The following DSTN variants were observed in gnomAD, a reference collection of about 807,000 sequenced individuals.
DSTN encodes destrin, actin depolymerizing factor.
A neutral mutation model predicts 16.8 loss-of-function variants in DSTN; 10 were observed. The observed-to-expected ratio is 0.60, with a 90% CI of 0.37 to 1.01. DSTN has a LOEUF of 1.01. DSTN is among the 50% of genes least tolerant of loss of function. The pLI is 0.01. For synonymous variants in DSTN, 57 were observed against 58.9 expected, an observed-to-expected ratio of 0.97 and a Z score of 0.14; for missense variants, 141 against 196.7, an observed-to-expected ratio of 0.72 and a Z score of 1.69.
intron 1 of DSTN, among the ~76,000 whole-genome samples, chr20:17,592,311 C>G (rs1379137229): frequency 6.6e-6 from 1 of 151,740 alleles, no homozygotes; most frequent in African/African-American, 2.4e-5. Flanking sequence ...CCTCTAGTCC[C>G]AGCTACTCAG....
At chr20:17,574,833 CT>C (rs1228639916) in intron 1 of DSTN, among the ~76,000 whole-genome samples, 5 of 110,266 alleles carry the variant, frequency 4.5e-5, no homozygotes, top group African/African-American at 1.4e-4. Context: ...TTTTTCCTTT[CT>C]TTTTTCTTTC....
intron 1 of DSTN, among the ~76,000 whole-genome samples, chr20:17,572,047 T>C (rs1189187270): frequency 1.3e-5 from 2 of 152,210 alleles, no homozygotes; most frequent in Non-Finnish European, 2.9e-5. Context: ...GATTAGAGAA[T>C]ATTGTGGGTA....
chr20:17,598,661 T>G (rs1026448175), intron 1 of DSTN, among the ~76,000 whole-genome samples: 11 of 152,230 alleles, frequency 7.2e-5, no homozygotes, highest in African/African-American at 2.7e-4. Context: ...ATCTTCATCT[T>G]ATATGCATTT....
At chr20:17,579,994 T>C (rs2035325365) in intron 1 of DSTN, among the ~76,000 whole-genome samples, 1 of 152,252 alleles carries the variant, frequency 6.6e-6, no homozygotes, top group South Asian at 2.1e-4. Flanking sequence ...CATCTTTATA[T>C]CCTGTATTCA....
intron 1 of DSTN, among the ~76,000 whole-genome samples, chr20:17,575,403 G>A (rs2035267506): frequency 6.6e-6 from 1 of 151,744 alleles, no homozygotes; most frequent in African/African-American, 2.4e-5. Context: ...TCTCTTTGTT[G>A]TACTGTCATT....
chr20:17,601,105 C>T, intron 2 of DSTN, 60 bp downstream of exon 2: 1 of 1,502,136 alleles, frequency 6.7e-7, no homozygotes. Flanking sequence ...CTCGGGAAGA[C>T]CAGTTCCAGC....
At chr20:17,575,063 T>G (rs933277333) in intron 1 of DSTN, among the ~76,000 whole-genome samples, 4 of 151,990 alleles carry the variant, frequency 2.6e-5, no homozygotes, top group Admixed American at 2.6e-4. Flanking sequence ...TTTGCTACAT[T>G]GCCCAGACTG....
At chr20:17,578,689 G>A (rs1600700070) in intron 1 of DSTN, among the ~76,000 whole-genome samples, 1 of 152,164 alleles carries the variant, frequency 6.6e-6, no homozygotes, top group East Asian at 1.9e-4. Context: ...GGCCGGGCGT[G>A]GTGGCTCACG....
At chr20:17,601,208 G>C (rs1454644033) in intron 2 of DSTN, among the ~76,000 whole-genome samples, 163 bp downstream of exon 2, 1 of 150,264 alleles carries the variant, frequency 6.7e-6, no homozygotes, top group Non-Finnish European at 1.5e-5. Flanking sequence ...ATGTTTATGG[G>C]ACCCAAACTA....
At chr20:17,584,677 A>G (rs2035387242) in intron 1 of DSTN, among the ~76,000 whole-genome samples, 1 of 151,428 alleles carries the variant, frequency 6.6e-6, no homozygotes, top group Non-Finnish European at 1.5e-5. Flanking sequence ...AAGGCTTACC[A>G]GAGAAAACTT....
chr20:17,576,287 G>A (rs1264184274), intron 1 of DSTN: 1 of 152,696 alleles, frequency 6.5e-6, no homozygotes, highest in Non-Finnish European at 1.5e-5. Flanking sequence ...TTTTTGTTTG[G>A]AGGTTCTAGC....
intron 1 of DSTN, among the ~76,000 whole-genome samples, chr20:17,570,509 A>C (rs2035188228): frequency 1.3e-5 from 2 of 152,064 alleles, no homozygotes; most frequent in African/African-American, 4.8e-5. Flanking sequence ...CCTTGCAACA[A>C]CTGGCTGGGG....
At position 17,607,384 on chromosome 20, in the gene DSTN, A is replaced by G. The variant is rs2035653590; in HGVS notation, c.*238A>G. The G allele has an allele frequency of 2.5e-6, 1 of 399,568 alleles. No homozygotes were observed. Among genetic ancestry groups the G allele is most frequent in the South Asian group, 6.8e-5 (1 of 14,608 alleles). The allele number at this position is 399,568 out of a possible 1,614,324, so 24.8% of individuals were successfully genotyped here. ...TGCCTGTTTTGATGAGTTGATTTAT[A>G]AAGATTTTTGTTAAGCTCAGGATTT... On this transcript the variant is annotated 3_prime_UTR_variant, in exon 4 of 4. Coordinates refer to ENST00000246069, the MANE Select transcript of DSTN (RefSeq NM_006870.4).
intron 2 of DSTN, among the ~76,000 whole-genome samples, chr20:17,603,837 C>T (rs2035612226): frequency 6.6e-6 from 1 of 151,990 alleles, no homozygotes; most frequent in Non-Finnish European, 1.5e-5. Flanking sequence ...TATTTTTTTC[C>T]AGAGAATTAT....
intron 1 of DSTN, among the ~76,000 whole-genome samples, chr20:17,586,238 C>G (rs1000269101): frequency 7.8e-4 from 119 of 152,150 alleles, no homozygotes; most frequent in African/African-American, 2.8e-3. Flanking sequence ...TAGACTACAA[C>G]CTTTATATGC....
intron 3 of DSTN, 25 bp downstream of exon 3, chr20:17,604,656 A>G (rs2035622340): frequency 6.3e-7 from 1 of 1,598,404 alleles, no homozygotes; most frequent in African/African-American, 1.3e-5. Context: ...ACCTCTGAAT[A>G]TGTAGAGGTA....
chr20:17,605,822 G>A (rs2035636237), intron 3 of DSTN, among the ~76,000 whole-genome samples: 2 of 152,272 alleles, frequency 1.3e-5, no homozygotes, highest in African/African-American at 2.4e-5. Flanking sequence ...ATAGTGGCCG[G>A]CTGGGTGTGG....
intron 1 of DSTN, among the ~76,000 whole-genome samples, chr20:17,573,398 T>C (rs760823076): frequency 6.6e-6 from 1 of 152,212 alleles, no homozygotes; most frequent in Non-Finnish European, 1.5e-5. Flanking sequence ...TGTTCTTTTG[T>C]ATGATTGTGC....
At chr20:17,582,891 A>G (rs951014066) in intron 1 of DSTN, among the ~76,000 whole-genome samples, 1 of 152,248 alleles carries the variant, frequency 6.6e-6, no homozygotes, top group Non-Finnish European at 1.5e-5. Flanking sequence ...AAAAATGTTC[A>G]TCAAAGAACA....
Sources: gnomAD v4.1 joint callset for allele counts (sites outside exome capture counted in the v4.1 genomes callset) on GRCh38, gnomAD v4.1.1 for gene constraint, MANE v1.5 for transcripts, NCBI Gene and HGNC (gene_info 2026-07-23, HGNC 2026-07-21) for gene names.